ZFYVE9: variants seen among roughly 807,000 people sequenced by gnomAD.
ZFYVE9 encodes the protein zinc finger FYVE domain-containing protein 9.
A neutral mutation model predicts 126.7 loss-of-function variants in ZFYVE9; 43 were observed. The observed-to-expected ratio is 0.34, with a 90% CI of 0.27 to 0.44. The LOEUF is 0.44. ZFYVE9 is among the 20% of genes least tolerant of loss of function. The probability of loss-of-function intolerance (pLI) is 1.00; values close to 1 mark genes in which losing one functional copy is unlikely to be tolerated. For missense variants in ZFYVE9, 1,476 were observed against 1,697.0 expected (o/e 0.87, Z 2.29); for synonymous variants, 521 against 597.4 (o/e 0.87, Z 1.87).
intron 1 of ZFYVE9, among the ~76,000 whole-genome samples, chr1:52,214,269 A>T (rs953849371): frequency 1.3e-5 from 2 of 152,050 alleles, no homozygotes; most frequent in Non-Finnish European, 2.9e-5. Context: ...TCTACTAAAC[A>T]TACAAAAATT....
intron 13 of ZFYVE9, among the ~76,000 whole-genome samples, chr1:52,326,374 TATTA>T (rs1646292104): frequency 6.6e-6 from 1 of 152,160 alleles, no homozygotes; most frequent in Non-Finnish European, 1.5e-5. Context: ...AAAGAGTACT[TATTA>T]TATGTTTGAT....
intron 13 of ZFYVE9, among the ~76,000 whole-genome samples, chr1:52,312,289 A>G (rs745811554): frequency 6.6e-6 from 1 of 152,208 alleles, no homozygotes; most frequent in Non-Finnish European, 1.5e-5. Flanking sequence ...GGTATTTAAT[A>G]TAAGGAAAAG....
chr1:52,203,036 G>A (rs930481944), intron 1 of ZFYVE9, among the ~76,000 whole-genome samples: 1 of 152,064 alleles, frequency 6.6e-6, no homozygotes, highest in Non-Finnish European at 1.5e-5. Context: ...CAATTTTATA[G>A]GGGTACAGAT....
chr1:52,161,902 T>G (rs1324122555), intron 1 of ZFYVE9, among the ~76,000 whole-genome samples: 1 of 151,858 alleles, frequency 6.6e-6, no homozygotes, highest in African/African-American at 2.4e-5. Flanking sequence ...AGGTAATTTC[T>G]TATTTGATTA....
At chr1:52,155,205 G>GCAC (rs1229336995) in intron 1 of ZFYVE9, among the ~76,000 whole-genome samples, 1 of 151,026 alleles carries the variant, frequency 6.6e-6, no homozygotes, top group Admixed American at 6.6e-5. Flanking sequence ...GGACACAGTT[G>GCAC]CACACCAGGA....
intron 4 of ZFYVE9, among the ~76,000 whole-genome samples, chr1:52,249,583 G>A (rs759946085): frequency 1.1e-4 from 16 of 151,924 alleles, no homozygotes; most frequent in Non-Finnish European, 2.2e-4. Context: ...TTATTCTTGG[G>A]TTTTTCATTC....
At chr1:52,207,306 G>A (rs1435869339) in intron 1 of ZFYVE9, among the ~76,000 whole-genome samples, 1 of 152,202 alleles carries the variant, frequency 6.6e-6, no homozygotes, top group Non-Finnish European at 1.5e-5. Flanking sequence ...CAATGCCTAT[G>A]TATATTTGAT....
At chr1:52,155,578 A>G (rs12079137) in intron 1 of ZFYVE9, among the ~76,000 whole-genome samples, 6,981 of 152,182 alleles carry the variant, frequency 0.046, 416 homozygotes, top group African/African-American at 0.14. Flanking sequence ...GCAGAACTCT[A>G]GGGGCCTGCA....
At chr1:52,187,795 A>C (rs371711722) in intron 1 of ZFYVE9, among the ~76,000 whole-genome samples, 2 of 152,226 alleles carry the variant, frequency 1.3e-5, no homozygotes, top group African/African-American at 2.4e-5. Context: ...TAAAAAGTCA[A>C]TTAATAACAG....
intron 11 of ZFYVE9, among the ~76,000 whole-genome samples, chr1:52,295,069 A>G (rs1314851074): frequency 6.6e-6 from 1 of 152,072 alleles, no homozygotes; most frequent in Admixed American, 6.5e-5. Context: ...TTAGCTGGGT[A>G]TGGTGGCGCA....
intron 1 of ZFYVE9, among the ~76,000 whole-genome samples, chr1:52,144,105 A>C (rs1002660117): frequency 6.6e-6 from 1 of 152,126 alleles, no homozygotes; most frequent in Non-Finnish European, 1.5e-5. Context: ...GTGGATCATG[A>C]GGTCAGAAGT....
intron 1 of ZFYVE9, among the ~76,000 whole-genome samples, chr1:52,182,177 C>T (rs1262362780): frequency 2.0e-5 from 3 of 151,992 alleles, no homozygotes; most frequent in African/African-American, 4.8e-5. Context: ...AGGTGAGGGG[C>T]GCCTCTGCCC....
At chr1:52,188,839 C>G (rs1261654116) in intron 1 of ZFYVE9, among the ~76,000 whole-genome samples, 1 of 151,992 alleles carries the variant, frequency 6.6e-6, no homozygotes, top group Non-Finnish European at 1.5e-5. Context: ...TTCACCTGTT[C>G]AAAGTGTAGA....
intron 4 of ZFYVE9, chr1:52,252,591 C>T (rs1645460949): frequency 1.3e-5 from 3 of 222,838 alleles, no homozygotes; most frequent in African/African-American, 2.3e-5. Flanking sequence ...ATCTCCTGAC[C>T]TCATGATACG....
At chr1:52,258,806 CTA>C (rs1447370911) in intron 4 of ZFYVE9, among the ~76,000 whole-genome samples, 2 of 152,006 alleles carry the variant, frequency 1.3e-5, no homozygotes, top group Non-Finnish European at 2.9e-5. Flanking sequence ...AAGGATCTCT[CTA>C]TACTGTTCTT....
chr1:52,258,309 A>G (rs1645542451), intron 4 of ZFYVE9, among the ~76,000 whole-genome samples: 1 of 143,056 alleles, frequency 7.0e-6, no homozygotes, highest in Non-Finnish European at 1.6e-5. Flanking sequence ...AATTTTTAGA[A>G]CTGACTTTAC....
chr1:52,233,610 A>AT (rs1645244777), intron 3 of ZFYVE9, among the ~76,000 whole-genome samples: 1 of 152,208 alleles, frequency 6.6e-6, no homozygotes, highest in African/African-American at 2.4e-5. Context: ...TATACAATGA[A>AT]TGTATGGTCA....
chr1:52,269,763 C>T (rs1013656776), intron 7 of ZFYVE9, among the ~76,000 whole-genome samples: 1 of 151,668 alleles, frequency 6.6e-6, no homozygotes, highest in East Asian at 1.9e-4. Flanking sequence ...TTCTTTATTC[C>T]CCCCAACTGT....
In ZFYVE9 at chr1:52,293,544, C is replaced by T. The variant is rs761192379; in HGVS notation, c.3117C>T (p.Thr1039=). 1.9e-6 allele frequency: 3 copies of T among 1,614,070 alleles called. No homozygotes were observed. The highest frequency in any genetic ancestry group is 2.2e-5 in the South Asian group (2 of 91,086). The change falls in exon 11 of 19, where the codon ACC becomes ACT. Residue 1039 remains threonine (T), a synonymous_variant. Coordinates refer to ENST00000287727, the MANE Select transcript of ZFYVE9 (RefSeq NM_004799.4). ...EHGGFLYVTS[T]YQSLQDLVLP... ...GTGGATTCTTATATGTGACATCTAC[C>T]TACCAGTCACTGCAAGACCTAGTAC... is the stretch of plus-strand genomic sequence containing the variant.
Sources: allele counts gnomAD v4.1 joint callset (sites outside exome capture counted in the v4.1 genomes callset), GRCh38; gene constraint gnomAD v4.1.1; transcripts MANE v1.5; gene names NCBI Gene and HGNC (gene_info 2026-07-23, HGNC 2026-07-21).